MGAT4C: variants seen among roughly 807,000 people sequenced by gnomAD.
MGAT4C encodes the protein MGAT4 family member C.
MGAT4C carries 19 observed loss-of-function variants against 40.1 expected under a neutral mutation model. That is an observed-to-expected ratio of 0.47 (90% CI 0.33 to 0.70). The LOEUF is 0.70. Among genes scored for constraint, MGAT4C ranks in the 30% least tolerant of loss-of-function variants. MGAT4C has a pLI of 0.02. For missense variants in MGAT4C, 491 were observed against 563.2 expected (o/e 0.87, Z 1.30); for synonymous variants, 181 against 187.1 (o/e 0.97, Z 0.27).
chr12:86,230,520 T>G (rs1951271642), intron 1 of MGAT4C, among the ~76,000 whole-genome samples: 1 of 152,136 alleles, frequency 6.6e-6, no homozygotes, highest in South Asian at 2.1e-4. Context: ...CAAATTTCAG[T>G]TCAACTAGTC....
At chr12:86,684,476 G>A (rs1321154373) in intron 2 of MGAT4C, among the ~76,000 whole-genome samples, 1 of 152,168 alleles carries the variant, frequency 6.6e-6, no homozygotes, top group Non-Finnish European at 1.5e-5. Flanking sequence ...CAGGTAAATA[G>A]TGCTGGAATA....
chr12:86,512,176 C>G (rs985282305), intron 2 of MGAT4C, among the ~76,000 whole-genome samples: 1 of 152,028 alleles, frequency 6.6e-6, no homozygotes, highest in Non-Finnish European at 1.5e-5. Context: ...AGATACTTAA[C>G]ATCATTAATT....
chr12:86,614,511 T>C (rs2136479693), intron 2 of MGAT4C, among the ~76,000 whole-genome samples: 1 of 152,218 alleles, frequency 6.6e-6, no homozygotes, highest in East Asian at 1.9e-4. Flanking sequence ...AGTTTACAAT[T>C]GTGTGGTAAC....
intron 2 of MGAT4C, among the ~76,000 whole-genome samples, chr12:86,715,797 T>C (rs1950636882): frequency 1.3e-5 from 2 of 152,130 alleles, no homozygotes; most frequent in African/African-American, 4.8e-5. Flanking sequence ...TATTATTCTG[T>C]GTATGAATGG....
chr12:86,527,021 C>T (rs1011979291), intron 2 of MGAT4C, among the ~76,000 whole-genome samples: 1 of 152,140 alleles, frequency 6.6e-6, no homozygotes, highest in Non-Finnish European at 1.5e-5. Context: ...CTCCTTCAGT[C>T]CAACTTCTGT....
intron 1 of MGAT4C, among the ~76,000 whole-genome samples, chr12:86,198,738 T>C (rs1949917423): frequency 6.6e-6 from 1 of 152,334 alleles, no homozygotes; most frequent in South Asian, 2.1e-4. Context: ...TTAACTTTAA[T>C]TCCATCTCTT....
At chr12:86,498,917 A>T (rs1958287851) in intron 2 of MGAT4C, among the ~76,000 whole-genome samples, 1 of 152,000 alleles carries the variant, frequency 6.6e-6, no homozygotes, top group Admixed American at 6.6e-5. Context: ...AGAAGTCAAG[A>T]CATTACAAAA....
chr12:86,725,320 G>A (rs1443646200), intron 2 of MGAT4C, among the ~76,000 whole-genome samples: 1 of 152,164 alleles, frequency 6.6e-6, no homozygotes, highest in Non-Finnish European at 1.5e-5. Flanking sequence ...GAATCTCAGT[G>A]AAGAATATCA....
intron 4 of MGAT4C, among the ~76,000 whole-genome samples, chr12:86,318,134 A>G (rs73385237): frequency 0.041 from 6,290 of 152,120 alleles, 374 homozygotes; most frequent in African/African-American, 0.13. Flanking sequence ...TATAAAGTAG[A>G]AATTGGTTCT....
intron 4 of MGAT4C, among the ~76,000 whole-genome samples, chr12:86,282,052 A>T (rs137990772): frequency 8.5e-5 from 13 of 152,242 alleles, no homozygotes; most frequent in Non-Finnish European, 1.3e-4. Flanking sequence ...TATGTTATGT[A>T]CATGGGGGCT....
At chr12:86,598,713 A>C (rs548695821) in intron 2 of MGAT4C, among the ~76,000 whole-genome samples, 1 of 152,242 alleles carries the variant, frequency 6.6e-6, no homozygotes, top group Non-Finnish European at 1.5e-5. Context: ...TTATTATAGT[A>C]ATTTTTCTAA....
chr12:86,498,646 C>T (rs1414045148), intron 2 of MGAT4C, among the ~76,000 whole-genome samples: 1 of 151,848 alleles, frequency 6.6e-6, no homozygotes, highest in East Asian at 1.9e-4. Flanking sequence ...TTAATTGTAG[C>T]ATACTGTACT....
chr12:86,726,413 A>G (rs1032256346), intron 2 of MGAT4C, among the ~76,000 whole-genome samples: 4 of 152,208 alleles, frequency 2.6e-5, no homozygotes, highest in South Asian at 2.1e-4. Context: ...GTGGTTGACA[A>G]TACGATATTA....
At chr12:86,355,322 T>C (rs968461513) in intron 3 of MGAT4C, among the ~76,000 whole-genome samples, 1 of 152,124 alleles carries the variant, frequency 6.6e-6, no homozygotes, top group East Asian at 1.9e-4. Flanking sequence ...ACCCAGGAAG[T>C]CCAGCTGGCT....
chr12:86,618,135 C>T (rs553012117), intron 2 of MGAT4C, among the ~76,000 whole-genome samples: 1 of 152,266 alleles, frequency 6.6e-6, no homozygotes, highest in African/African-American at 2.4e-5. Flanking sequence ...GAGATATCAT[C>T]TTATCCAAGT....
chr12:86,005,612 G>C (rs2136792549), intron 2 of MGAT4C, among the ~76,000 whole-genome samples: 1 of 152,192 alleles, frequency 6.6e-6, no homozygotes, highest in East Asian at 1.9e-4. Flanking sequence ...GGCTATCTTG[G>C]GAACCTCAAG....
rs1251593695 is a variant in MGAT4C, at chr12:85,976,802, G to A, written c.*2487C>T. The A allele has an allele frequency of 2.7e-5, 4 of 150,238 alleles. No individual in the cohort carries two copies. In the East Asian group the frequency reaches 7.8e-4, roughly 29 times the overall value. 9.3% of individuals were successfully genotyped at this position (150,238 alleles called of 1,614,324 possible). On this transcript the variant is annotated 3_prime_UTR_variant, in exon 5 of 5. Transcript: ENST00000611864. ...TTTTGTTTCTATGCCTCTGAGACAA[G>A]ATTACTAGACCCTTATTCAAAGTTT...
chr12:86,089,602 G>C (rs1293377680), intron 1 of MGAT4C, among the ~76,000 whole-genome samples: 2 of 151,588 alleles, frequency 1.3e-5, no homozygotes, highest in Non-Finnish European at 3.0e-5. Context: ...TTTATGTCTT[G>C]TCCTGCTGAT....
chr12:86,542,018 A>G (rs558430018), intron 2 of MGAT4C, among the ~76,000 whole-genome samples: 2 of 152,356 alleles, frequency 1.3e-5, no homozygotes, highest in South Asian at 2.1e-4. Context: ...TTGAGCCTTT[A>G]TAAGTGTCTG....
Sources: gnomAD v4.1 joint callset for allele counts (sites outside exome capture counted in the v4.1 genomes callset) on GRCh38, gnomAD v4.1.1 for gene constraint, MANE v1.5 for transcripts, NCBI Gene and HGNC (gene_info 2026-07-23, HGNC 2026-07-21) for gene names.